SH3D19: variants seen among roughly 807,000 people sequenced by gnomAD.
SH3D19 encodes SH3 domain containing 19, also known as SH3 domain-containing protein 19.
In SH3D19, 58 loss-of-function variants were observed where a neutral mutation model predicts 112.1. The observed-to-expected ratio is 0.52, with a 90% CI of 0.42 to 0.64. SH3D19 has a LOEUF of 0.64. Among genes scored for constraint, SH3D19 ranks in the 30% least tolerant of loss-of-function variants. The probability of loss-of-function intolerance (pLI) is 0.00; values close to 1 mark genes in which losing one functional copy is unlikely to be tolerated. For missense variants in SH3D19, 1,090 were observed against 1,263.4 expected, an observed-to-expected ratio of 0.86 and a Z score of 2.08; for synonymous variants, 391 against 448.5, an observed-to-expected ratio of 0.87 and a Z score of 1.62.
At chr4:151,237,476 T>G (rs1770206266) in intron 1 of SH3D19, among the ~76,000 whole-genome samples, 1 of 152,192 alleles carries the variant, frequency 6.6e-6, no homozygotes. Context: ...AATAAATATT[T>G]CAGTATGACA....
At chr4:151,241,114 A>C (rs1412246156) in intron 1 of SH3D19, among the ~76,000 whole-genome samples, 4 of 47,764 alleles carry the variant, frequency 8.4e-5, no homozygotes, top group Admixed American at 2.5e-4. Flanking sequence ...GTGAAACGTG[A>C]TCTCTACAAA....
Position 151,144,033 on chromosome 4 carries a change from C to T in SH3D19, c.2100G>A (p.Val700=). 1 of 1,614,004 alleles carries T rather than the reference C, an allele frequency of 6.2e-7. No homozygotes were observed. The highest frequency in any genetic ancestry group is 2.2e-5 in the East Asian group (1 of 44,878). Reference sequence around the variant, plus strand: ...AATTATTTTCCGTCTGCTTCAGCATCACAAGTACATCCCCACGCTGCAAGG... The same window carrying T: ...AATTATTTTCCGTCTGCTTCAGCATTACAAGTACATCCCCACGCTGCAAGG... The part of the protein sequence containing the change: ...YSKYMRGDVL[V]MLKQTENNYL... Residue 700 remains valine, a synonymous_variant, in exon 12 of 20, where the codon GTG becomes GTA. Transcript: ENST00000604030.
rs112551271 is a variant in SH3D19 at position 151,234,081 on chromosome 4, G to C, written c.113-7995C>G. 8.8e-3 allele frequency among the ~76,000 whole-genome samples: 1,344 copies of C among 152,182 alleles called. 19 individuals are homozygous for C. Among genetic ancestry groups the C allele is most frequent in the African/African-American group, 0.031 (1,277 of 41,504 alleles). On this transcript the variant is annotated intron_variant, in intron 1 of 19. Transcript: ENST00000604030. ...TTTTTGACTTTTTATAAATACAATA[G>C]TGATTTTGGTGTCAACTTTCTCCTA...
chr4:151,299,713 A>G (rs1728163814), intron 1 of SH3D19, among the ~76,000 whole-genome samples: 1 of 152,134 alleles, frequency 6.6e-6, no homozygotes, highest in Non-Finnish European at 1.5e-5. Flanking sequence ...GGCTAATATG[A>G]AAGACCTCAA....
Position 151,317,137 on chromosome 4 carries a change from C to T in SH3D19, c.112+8104G>A, listed in dbSNP as rs148367990. ...TGTAACTGCCCTCACCAGGGAGACA[C>T]CGTCTTGAGCTTTGCCCCTTTGGCT... On this transcript the variant is annotated intron_variant, in intron 1 of 19. Transcript: ENST00000604030. Among the ~76,000 whole-genome samples the T allele has an allele frequency of 3.1e-4, 47 of 152,322 alleles. 1 individual carries two copies. The East Asian group carries it at 8.7e-3, about 28-fold the overall frequency.
In SH3D19 at chr4:151,176,875, C is replaced by A. The variant is rs1004557295; in HGVS notation, c.317G>T (p.Gly106Val). The part of the protein sequence containing the change: ...WFPGTPPPGL[G>V]FPTSSAAGSW... ...GCCTGCTGCAGATGATGTAGGAAAT[C>A]CCAGTCCTGGGGGTGGGGTTCCTGG... is the stretch of plus-strand genomic sequence containing the variant. Residue 106 changes from glycine (G) to valine (V), a missense_variant, in exon 5 of 20, where the codon GGA (glycine) becomes GTA (valine). Physicochemically the swap from Gly to Val is moderately radical, Grantham distance 109. Coordinates refer to ENST00000604030, the MANE Select transcript of SH3D19 (RefSeq NM_001378122.1). The A allele has an allele frequency of 8.1e-7, 1 of 1,232,096 alleles. No individual in the cohort carries two copies. Among genetic ancestry groups the A allele is most frequent in the African/African-American group, 1.6e-5 (1 of 64,424 alleles). 76.3% of individuals were successfully genotyped at this position (1,232,096 alleles called of 1,614,324 possible).
intron 1 of SH3D19, among the ~76,000 whole-genome samples, chr4:151,257,632 CG>C (rs1456319240): frequency 1.3e-5 from 2 of 152,004 alleles, no homozygotes; most frequent in African/African-American, 2.4e-5. Context: ...AAATAGTAAC[CG>C]TGGCTGGGTG....
At chr4:151,279,824 C>T (rs769379834) in intron 1 of SH3D19, 25 of 1,613,772 alleles carry the variant, frequency 1.5e-5, no homozygotes, top group Admixed American at 3.3e-5. Context: ...ACTCCAGCCG[C>T]GTTGTAGGTG....
At chr4:151,274,472 A>G (rs1482708032) in intron 1 of SH3D19, among the ~76,000 whole-genome samples, 2 of 152,240 alleles carry the variant, frequency 1.3e-5, no homozygotes, top group African/African-American at 4.8e-5. Flanking sequence ...GTTAGAAAAG[A>G]TAATCTGTGC....
chr4:151,126,321 T>C (rs1749313555), intron 19 of SH3D19, among the ~76,000 whole-genome samples: 1 of 152,200 alleles, frequency 6.6e-6, no homozygotes, highest in African/African-American at 2.4e-5. Context: ...ATGTTAATTC[T>C]TTCTATGGCA....
intron 1 of SH3D19, among the ~76,000 whole-genome samples, chr4:151,267,156 C>CT (rs1257663104): frequency 3.8e-4 from 23 of 60,424 alleles, no homozygotes; most frequent in African/African-American, 7.6e-4. Flanking sequence ...CAGTCTCTCT[C>CT]TAAAAAAAAA....
chr4:151,273,550 A>G (rs1453999527), intron 1 of SH3D19, among the ~76,000 whole-genome samples: 2 of 138,130 alleles, frequency 1.4e-5, no homozygotes, highest in Non-Finnish European at 3.0e-5. Context: ...AGATTACGCC[A>G]CTGCACTCCA....
intron 1 of SH3D19, among the ~76,000 whole-genome samples, chr4:151,270,820 C>T (rs1320008): frequency 0.011 from 1,694 of 152,290 alleles, 84 homozygotes; most frequent in East Asian, 0.092. Flanking sequence ...GAAACAAAAG[C>T]TTCACAAAAA....
At chr4:151,305,932 GACT>G (rs1728867164) in intron 1 of SH3D19, among the ~76,000 whole-genome samples, 1 of 152,144 alleles carries the variant, frequency 6.6e-6, no homozygotes. Flanking sequence ...TCACACAATA[GACT>G]ACTACTTGGC....
intron 2 of SH3D19, among the ~76,000 whole-genome samples, chr4:151,213,480 C>CA (rs1375113076): frequency 6.6e-6 from 1 of 151,390 alleles, no homozygotes; most frequent in Non-Finnish European, 1.5e-5. Context: ...TCTGTCTCTA[C>CA]AAAAAAATAC....
At chr4:151,324,422 C>T (rs1247272007) in intron 1 of SH3D19, among the ~76,000 whole-genome samples, 1 of 152,132 alleles carries the variant, frequency 6.6e-6, no homozygotes, top group East Asian at 1.9e-4. Flanking sequence ...TTGCCAGTCC[C>T]CCTAGGTTTG....
intron 3 of SH3D19, among the ~76,000 whole-genome samples, chr4:151,182,519 T>C (rs550905345): frequency 2.6e-5 from 4 of 152,300 alleles, no homozygotes; most frequent in South Asian, 4.1e-4. Context: ...CTGAAGAACA[T>C]GGAGGGGTCT....
intron 1 of SH3D19, among the ~76,000 whole-genome samples, chr4:151,274,322 T>C (rs1561420151): frequency 6.6e-6 from 1 of 152,212 alleles, no homozygotes; most frequent in East Asian, 1.9e-4. Context: ...TACTGAGATA[T>C]AGCAAACCTG....
At chr4:151,306,158 C>G (rs1030536277) in intron 1 of SH3D19, among the ~76,000 whole-genome samples, 11 of 152,134 alleles carry the variant, frequency 7.2e-5, no homozygotes, top group Non-Finnish European at 1.6e-4. Context: ...AAAGTCAGCC[C>G]AGGGAATTTC....
Sources: gnomAD v4.1 joint callset for allele counts (sites outside exome capture counted in the v4.1 genomes callset) on GRCh38, gnomAD v4.1.1 for gene constraint, MANE v1.5 for transcripts, NCBI Gene and HGNC (gene_info 2026-07-23, HGNC 2026-07-21) for gene names.